Variants in RBFOX1 observed in about 807,000 individuals in gnomAD.
The protein encoded by RBFOX1 is RNA binding fox-1 homolog 1, also known as RNA binding protein fox-1 homolog 1.
RBFOX1 carries 8 observed loss-of-function variants against 57.7 expected under a neutral mutation model. That is an observed-to-expected ratio of 0.14 (90% CI 0.08 to 0.25). The LOEUF is 0.25. Among genes scored for constraint, RBFOX1 ranks in the 10% least tolerant of loss-of-function variants. The pLI, the probability that RBFOX1 is intolerant of heterozygous loss-of-function variation, is 1.00. For missense variants in RBFOX1, 611 were observed against 548.5 expected, an observed-to-expected ratio of 1.11 and a Z score of -1.14; for synonymous variants, 326 against 222.4, an observed-to-expected ratio of 1.47 and a Z score of -4.15.
At chr16:5,523,959 C>A (rs1270692783) in intron 2 of RBFOX1, among the ~76,000 whole-genome samples, 1 of 152,130 alleles carries the variant, frequency 6.6e-6, no homozygotes, top group Non-Finnish European at 1.5e-5. Context: ...CCAGCGCTTG[C>A]CTCCTCCCGG....
At chr16:5,348,099 C>A (rs1177227501) in intron 1 of RBFOX1, among the ~76,000 whole-genome samples, 2 of 150,362 alleles carry the variant, frequency 1.3e-5, no homozygotes, top group African/African-American at 4.9e-5. Context: ...ACTGTTCACC[C>A]ACCCACCCTT....
intron 4 of RBFOX1, among the ~76,000 whole-genome samples, chr16:7,055,537 G>C (rs964301691): frequency 6.6e-6 from 1 of 152,116 alleles, no homozygotes; most frequent in Non-Finnish European, 1.5e-5. Context: ...TCAGAAGGAA[G>C]GAGAAGAGGA....
chr16:6,268,738 C>G (rs559031982), intron 1 of RBFOX1, among the ~76,000 whole-genome samples: 2 of 152,230 alleles, frequency 1.3e-5, no homozygotes, highest in African/African-American at 2.4e-5. Flanking sequence ...AAGAAACACA[C>G]AACACACAAA....
chr16:6,700,060 C>T (rs2061595843), intron 3 of RBFOX1, among the ~76,000 whole-genome samples: 1 of 152,108 alleles, frequency 6.6e-6, no homozygotes, highest in African/African-American at 2.4e-5. Flanking sequence ...ACCTCTCTCT[C>T]ATCAAATACT....
chr16:7,602,366 T>C lies in RBFOX1; in HGVS notation c.623-4919T>C, dbSNP rs549356158. Among the ~76,000 whole-genome samples, 7 of 152,290 alleles carry C rather than the reference T, an allele frequency of 4.6e-5. No individual in the cohort carries two copies. In the East Asian group the frequency reaches 9.7e-4, roughly 21 times the overall value. On this transcript the variant is annotated intron_variant, in intron 9 of 15. Transcript: ENST00000550418. ...CCAAGACGTCTGTTCTCTGGCTCCA[T>C]TGCCTTGTTGTGGGGCTGGGGGGGC...
At chr16:5,579,330 C>T (rs1369902682) in intron 2 of RBFOX1, among the ~76,000 whole-genome samples, 1 of 152,094 alleles carries the variant, frequency 6.6e-6, no homozygotes, top group South Asian at 2.1e-4. Context: ...CTTTCCAGTC[C>T]TAGGAAATCT....
chr16:7,350,472 T>C (rs1438042617), intron 4 of RBFOX1, among the ~76,000 whole-genome samples: 2 of 152,148 alleles, frequency 1.3e-5, no homozygotes, highest in African/African-American at 4.8e-5. Flanking sequence ...TAGATTTTGA[T>C]CTAGGGGAAA....
chr16:6,228,337 AT>A (rs2097432632), intron 1 of RBFOX1, among the ~76,000 whole-genome samples: 5 of 152,062 alleles, frequency 3.3e-5, no homozygotes, highest in African/African-American at 4.8e-5. Flanking sequence ...ATAAAATAAA[AT>A]AAAAACTAAA....
intron 4 of RBFOX1, among the ~76,000 whole-genome samples, chr16:7,451,210 T>C (rs909197787): frequency 1.5e-4 from 23 of 152,330 alleles, no homozygotes; most frequent in Admixed American, 3.9e-4. Context: ...GGAGGCTTTT[T>C]GGATGGGACC....
chr16:5,333,013 C>T (rs2064798433), intron 1 of RBFOX1, among the ~76,000 whole-genome samples: 1 of 152,084 alleles, frequency 6.6e-6, no homozygotes, highest in Non-Finnish European at 1.5e-5. Flanking sequence ...TGGTGAAACC[C>T]TGTCTCTATT....
intron 3 of RBFOX1, among the ~76,000 whole-genome samples, chr16:6,927,374 C>T (rs369424633): frequency 4.3e-5 from 6 of 138,618 alleles, no homozygotes; most frequent in African/African-American, 1.7e-4. Context: ...GATCGCACCG[C>T]TCCACTCCAG....
chr16:6,323,883 G>C (rs369143974), intron 2 of RBFOX1, among the ~76,000 whole-genome samples: 129 of 151,728 alleles, frequency 8.5e-4, no homozygotes, highest in African/African-American at 3.1e-3. Flanking sequence ...AGCTATTCTT[G>C]TGCCTCAGCC....
chr16:7,183,354 A>G (rs1240122943), intron 4 of RBFOX1, among the ~76,000 whole-genome samples: 1 of 152,152 alleles, frequency 6.6e-6, no homozygotes, highest in East Asian at 1.9e-4. Flanking sequence ...GACAGAAGAA[A>G]CAGAGGTAAT....
Position 5,911,355 on chromosome 16 carries a change from G to T in RBFOX1, c.351+44020G>T, listed in dbSNP as rs975231584. On this transcript the variant is annotated intron_variant, in intron 4 of 19. Coordinates refer to the RBFOX1 transcript ENST00000641259. ...GAAGATCCGAAGCTCTGAAGTTCCT[G>T]TTCCCCTTATCTTGTGCCACAGCCG... Among the ~76,000 whole-genome samples the T allele has an allele frequency of 2.6e-5, 4 of 152,284 alleles. No homozygotes were observed. The East Asian group carries it at 5.8e-4, about 22-fold the overall frequency.
chr16:7,455,401 C>T (rs1243290134), intron 4 of RBFOX1, among the ~76,000 whole-genome samples: 1 of 152,134 alleles, frequency 6.6e-6, no homozygotes, highest in East Asian at 1.9e-4. Flanking sequence ...CAGCCTTACT[C>T]TCCATGCAAG....
intron 1 of RBFOX1, among the ~76,000 whole-genome samples, chr16:5,383,018 C>A (rs1217336244): frequency 6.6e-6 from 1 of 152,196 alleles, no homozygotes; most frequent in African/African-American, 2.4e-5. Flanking sequence ...TTAATTTCCT[C>A]CCTTGCTCAC....
chr16:5,773,411 A>G (rs1490891783), intron 3 of RBFOX1, among the ~76,000 whole-genome samples: 1 of 152,214 alleles, frequency 6.6e-6, no homozygotes, highest in Non-Finnish European at 1.5e-5. Context: ...AAATGAGATC[A>G]TAGTATGCAT....
intron 1 of RBFOX1, among the ~76,000 whole-genome samples, chr16:6,218,985 C>G (rs913526238): frequency 6.6e-6 from 1 of 152,100 alleles, no homozygotes; most frequent in Non-Finnish European, 1.5e-5. Context: ...GCACGTATGT[C>G]AAAATGTAGG....
At chr16:6,700,510 C>T (rs2110345) in intron 3 of RBFOX1, among the ~76,000 whole-genome samples, 1 of 151,668 alleles carries the variant, frequency 6.6e-6, no homozygotes, top group African/African-American at 2.4e-5. Flanking sequence ...TACAAAAAAT[C>T]AGCTGGGTGA....
Sources: allele counts gnomAD v4.1 joint callset (sites outside exome capture counted in the v4.1 genomes callset), GRCh38; gene constraint gnomAD v4.1.1; transcripts MANE v1.5; gene names NCBI Gene and HGNC (gene_info 2026-07-23, HGNC 2026-07-21).